Variants in CCDC88A observed in about 807,000 individuals in gnomAD.
CCDC88A encodes girdin.
Under a neutral mutation model 234.3 loss-of-function variants are expected in CCDC88A, and 54 were observed. The observed-to-expected ratio is 0.23, with a 90% CI of 0.19 to 0.29. The LOEUF is 0.29. CCDC88A is among the 10% of genes least tolerant of loss of function. The pLI, the probability that CCDC88A is intolerant of heterozygous loss-of-function variation, is 1.00. For missense variants in CCDC88A, 1,832 were observed against 2,123.4 expected, an observed-to-expected ratio of 0.86 and a Z score of 2.70; for synonymous variants, 753 against 737.8, an observed-to-expected ratio of 1.02 and a Z score of -0.33.
At position 55,289,936 on chromosome 2, in the gene CCDC88A, A is replaced by C. The variant is rs992235726; in HGVS notation, c.*1264T>G. 6.5e-5 allele frequency: 10 copies of C among 152,672 alleles called. No homozygotes were observed. The highest frequency in any genetic ancestry group is 2.4e-4 in the African/African-American group (10 of 41,566). 9.5% of individuals were successfully genotyped at this position (152,672 alleles called of 1,614,324 possible). On this transcript the variant is annotated 3_prime_UTR_variant, in exon 33 of 33. Coordinates refer to ENST00000436346, the MANE Select transcript of CCDC88A (RefSeq NM_001365480.1). ...CTAAGAAGTACACTGTTAAAATTTT[A>C]AAAAGTCAGTATGTTTCTCATTTCA...
intron 3 of CCDC88A, among the ~76,000 whole-genome samples, chr2:55,377,026 G>T (rs550627506): frequency 6.6e-6 from 1 of 152,114 alleles, no homozygotes; most frequent in African/African-American, 2.4e-5. Flanking sequence ...TAGAGACAGG[G>T]TTTCACCATC....
intron 5 of CCDC88A, among the ~76,000 whole-genome samples, chr2:55,367,525 C>CTTTTTTTTTTTTTTTTTTTTTTTTT (rs1262914627): frequency 3.0e-5 from 1 of 33,588 alleles, no homozygotes; most frequent in African/African-American, 2.4e-4. Context: ...GTTTTATTTC[C>CTTTTTTTTTTTTTTTTTTTTTTTTT]TTGTTTTTTT....
intron 28 of CCDC88A, 85 bp from the exon 29 acceptor site, chr2:55,300,004 T>A (rs1680685727): frequency 1.1e-6 from 1 of 927,950 alleles, no homozygotes; most frequent in East Asian, 2.4e-5. Flanking sequence ...ACAGAATGCT[T>A]TGAGGAAGCA....
intron 23 of CCDC88A, among the ~76,000 whole-genome samples, chr2:55,311,283 ATTTC>A (rs1682321253): frequency 6.6e-6 from 1 of 152,226 alleles, no homozygotes. Context: ...CAAATGTGAA[ATTTC>A]TTTGAGGTTT....
intron 3 of CCDC88A, among the ~76,000 whole-genome samples, chr2:55,381,425 C>A (rs1002375695): frequency 1.3e-5 from 2 of 151,660 alleles, no homozygotes; most frequent in East Asian, 1.9e-4. Flanking sequence ...TAGTGGCATG[C>A]GCCTGTATTC....
In CCDC88A at chr2:55,302,088, A is replaced by C; in HGVS notation, c.4472-16T>G. ...TCATTCATGGCTGGGATGCAAATGAAAGCAAATGAATCAGCATGGTTAATG... is the reference window on the plus strand; with the variant it reads ...TCATTCATGGCTGGGATGCAAATGACAGCAAATGAATCAGCATGGTTAATG... On this transcript the variant is annotated splice_polypyrimidine_tract_variant and intron_variant, in intron 26 of 32. Coordinates refer to ENST00000436346, the MANE Select transcript of CCDC88A (RefSeq NM_001365480.1). The C allele has an allele frequency of 6.3e-7, 1 of 1,591,738 alleles. No individual in the cohort carries two copies.
chr2:55,301,826 T>A (rs1344600359), intron 27 of CCDC88A, 46 bp downstream of exon 27: 1 of 1,519,650 alleles, frequency 6.6e-7, no homozygotes, highest in Non-Finnish European at 9.1e-7. Flanking sequence ...TTAAAATTCT[T>A]GTTGCCAACA....
rs940838076 is a variant in CCDC88A at position 55,399,370 on chromosome 2, A to T, written c.165-10484T>A. On this transcript the variant is annotated intron_variant, in intron 2 of 32. Coordinates refer to ENST00000436346, the MANE Select transcript of CCDC88A (RefSeq NM_001365480.1). ...TGAAACCCCGTCTCTACTAAAAATT[A>T]AAAAAAAAATTAGCTGGGCGTGGTG... 1.2e-4 allele frequency among the ~76,000 whole-genome samples: 18 copies of T among 149,682 alleles called. No individual in the cohort carries two copies. The South Asian group carries it at 3.4e-3, about 28-fold the overall frequency.
At chr2:55,354,856 C>G (rs569822390) in intron 8 of CCDC88A, among the ~76,000 whole-genome samples, 1 of 151,702 alleles carries the variant, frequency 6.6e-6, no homozygotes, top group Non-Finnish European at 1.5e-5. Flanking sequence ...TGTGAACCAC[C>G]GCGCCTGGCC....
chr2:55,332,336 G>A lies in CCDC88A; in HGVS notation c.2855+230C>T. On this transcript the variant is annotated intron_variant, in intron 16 of 32. Coordinates refer to ENST00000436346, the MANE Select transcript of CCDC88A (RefSeq NM_001365480.1). This position sits in a 1 kb window ranked among gnomAD's most constrained non-coding sequence, Gnocchi z 4.5. Reference sequence around the variant, plus strand: ...AGGGTTTCCCCATGTTGGTCAGGCTGATCTCGAACTCCCGACCTCAGGTGA... The same window carrying A: ...AGGGTTTCCCCATGTTGGTCAGGCTAATCTCGAACTCCCGACCTCAGGTGA... 2.6e-6 allele frequency: 1 copy of A among 390,288 alleles called. No individual in the cohort carries two copies. Among genetic ancestry groups the A allele is most frequent in the Non-Finnish European group, 3.8e-6 (1 of 262,274 alleles). 24.2% of individuals were successfully genotyped at this position (390,288 alleles called of 1,614,324 possible). A position where few individuals can be genotyped will look rare whatever the true frequency, so the allele number is the denominator to read the frequency against.
At chr2:55,294,952 TAAA>T in intron 31 of CCDC88A, 1 of 1,193,210 alleles carries the variant, frequency 8.4e-7, no homozygotes, top group East Asian at 5.9e-5. Context: ...CAATTTTAAA[TAAA>T]AAATAAAAAC....
At chr2:55,416,570 T>C (rs909364535) in intron 2 of CCDC88A, among the ~76,000 whole-genome samples, 6 of 146,646 alleles carry the variant, frequency 4.1e-5, no homozygotes, top group African/African-American at 1.5e-4. Context: ...AAGACACTCA[T>C]TGAATTCCAA....
At chr2:55,338,459 T>C (rs780781561) in intron 13 of CCDC88A, among the ~76,000 whole-genome samples, 1 of 152,202 alleles carries the variant, frequency 6.6e-6, no homozygotes, top group Non-Finnish European at 1.5e-5. Context: ...GGATTCTATT[T>C]ATGTAGAATT....
At position 55,295,927 on chromosome 2, in the gene CCDC88A, C is replaced by T; in HGVS notation, c.5221G>A (p.Gly1741Arg). 1 of 1,614,092 alleles carries T rather than the reference C, an allele frequency of 6.2e-7. No individual in the cohort carries two copies. Among genetic ancestry groups the T allele is most frequent in the Non-Finnish European group, 8.5e-7 (1 of 1,180,010 alleles). ...LARSVSGKTPGDFYDRRTTKP... is the reference protein window; with the variant it reads ...LARSVSGKTPRDFYDRRTTKP... Reference sequence around the variant, plus strand: ...GTTGTCCGTCTATCATAGAAGTCCCCTGGGGTTTTTCCACTTACTGACCTG... The same window carrying T: ...GTTGTCCGTCTATCATAGAAGTCCCTTGGGGTTTTTCCACTTACTGACCTG... The change falls in exon 31 of 33, where the codon GGG becomes AGG. Residue 1741 changes from glycine to arginine, a missense_variant. By Grantham distance (125) the Gly-to-Arg change is moderately radical. Around this residue, in one of 6 missense-constraint regions of CCDC88A, gnomAD observed 422 missense variants for 416.5 expected, o/e 1.01. Coordinates refer to ENST00000436346, the MANE Select transcript of CCDC88A (RefSeq NM_001365480.1).
At chr2:55,392,130 T>A (rs1437262207) in intron 2 of CCDC88A, among the ~76,000 whole-genome samples, 1 of 152,224 alleles carries the variant, frequency 6.6e-6, no homozygotes, top group Non-Finnish European at 1.5e-5. Context: ...TTCTTCTCAA[T>A]GCATCCTATT....
chr2:55,322,523 C>A lies in CCDC88A; in HGVS notation c.3162+5G>T. 1 of 1,529,926 alleles carries A rather than the reference C, an allele frequency of 6.5e-7. No individual in the cohort carries two copies. Among genetic ancestry groups the A allele is most frequent in the South Asian group, 1.2e-5 (1 of 84,064 alleles). 94.8% of individuals were successfully genotyped at this position (1,529,926 alleles called of 1,614,324 possible). ...CTATTTCTACTAAAATTTAAAAATA[C>A]TTACATTTCTTTCTACTTCAATTAA... On this transcript the variant is annotated splice_donor_5th_base_variant and intron_variant, in intron 18 of 32. Coordinates refer to ENST00000436346, the MANE Select transcript of CCDC88A (RefSeq NM_001365480.1).
chr2:55,320,821 A>AT (rs1383458174), intron 18 of CCDC88A: 1 of 152,172 alleles, frequency 6.6e-6, no homozygotes, highest in African/African-American at 2.4e-5. Context: ...AATTGATGTG[A>AT]TTTTTAGGTT....
At chr2:55,396,469 A>G (rs1355597857) in intron 2 of CCDC88A, among the ~76,000 whole-genome samples, 1 of 152,316 alleles carries the variant, frequency 6.6e-6, no homozygotes, top group Admixed American at 6.5e-5. Flanking sequence ...TAAATCAGAA[A>G]GCCAAAGTTC....
At chr2:55,298,873 C>CAAA (rs70949101) in intron 29 of CCDC88A, among the ~76,000 whole-genome samples, 1 of 95,376 alleles carries the variant, frequency 1.0e-5, no homozygotes, top group Non-Finnish European at 2.1e-5. Flanking sequence ...GAACCCGTCT[C>CAAA]AAAAAAAAAA....
Sources: allele counts gnomAD v4.1 joint callset (sites outside exome capture counted in the v4.1 genomes callset), GRCh38; gene constraint gnomAD v4.1.1; regional missense constraint gnomAD v4.1.1; non-coding constraint Gnocchi (gnomAD v3.1); transcripts MANE v1.5; gene names NCBI Gene and HGNC (gene_info 2026-07-23, HGNC 2026-07-21).